The following MROH9 variants were observed in gnomAD, a reference collection of about 807,000 sequenced individuals.
MROH9 encodes maestro heat-like repeat-containing protein family member 9.
In MROH9, 92 loss-of-function variants were observed where a neutral mutation model predicts 98.2. The ratio of observed to expected loss-of-function variants is 0.94; its 90% confidence interval spans 0.79 to 1.11. The LOEUF (loss-of-function observed/expected upper bound fraction) is 1.11. Ranked by LOEUF, MROH9 falls within the 50% of genes most tolerant of loss-of-function variation. The pLI is 0.00. For synonymous variants in MROH9, 397 were observed against 368.9 expected (o/e 1.08, Z -0.87); for missense variants, 1,057 against 1,014.8 (o/e 1.04, Z -0.57).
At chr1:170,972,825 A>ATACAC (rs1491471283) in intron 8 of MROH9, among the ~76,000 whole-genome samples, 15 of 35,614 alleles carry the variant, frequency 4.2e-4, no homozygotes, top group East Asian at 1.1e-3. Context: ...AAAAAAAAAA[A>ATACAC]AAATACACAC....
chr1:170,984,945 G>T (rs1195824951), intron 9 of MROH9, among the ~76,000 whole-genome samples: 1 of 152,074 alleles, frequency 6.6e-6, no homozygotes, highest in Non-Finnish European at 1.5e-5. Context: ...TGCAAATAGG[G>T]GCAGAAGCAG....
intron 12 of MROH9, among the ~76,000 whole-genome samples, chr1:170,995,029 A>G (rs919572658): frequency 6.6e-6 from 1 of 151,822 alleles, no homozygotes; most frequent in Non-Finnish European, 1.5e-5. Context: ...ACTTCCTTGT[A>G]TTGTTTGAGC....
At chr1:170,960,947 G>A (rs1649993372) in intron 5 of MROH9, among the ~76,000 whole-genome samples, 1 of 152,088 alleles carries the variant, frequency 6.6e-6, no homozygotes, top group Non-Finnish European at 1.5e-5. Flanking sequence ...ATTTAAATAT[G>A]ATGTTTGGAT....
intron 2 of MROH9, 116 bp from the exon 3 acceptor site, chr1:170,947,411 C>A: frequency 1.3e-6 from 1 of 782,224 alleles, no homozygotes; most frequent in South Asian, 1.6e-5. Flanking sequence ...TGTGCATGTC[C>A]TTGTTGGGCT....
At chr1:170,999,189 T>C (rs941493534) in intron 15 of MROH9, among the ~76,000 whole-genome samples, 12 of 152,108 alleles carry the variant, frequency 7.9e-5, no homozygotes, top group African/African-American at 2.9e-4. Flanking sequence ...CCATAAGTTA[T>C]TGGGGTACAG....
At chr1:170,951,588 A>C (rs1389806497) in intron 3 of MROH9, among the ~76,000 whole-genome samples, 1 of 152,148 alleles carries the variant, frequency 6.6e-6, no homozygotes, top group Non-Finnish European at 1.5e-5. Flanking sequence ...GCATTGAGAC[A>C]TGTCTGGGCC....
intron 21 of MROH9, 89 bp from the exon 22 acceptor site, chr1:171,064,010 T>G (rs1426417252): frequency 1.5e-6 from 2 of 1,306,822 alleles, no homozygotes; most frequent in Non-Finnish European, 2.1e-6. Context: ...GGGGGCACTC[T>G]GTGAAAGGTG....
At chr1:171,007,249 T>C (rs1424002670) in intron 15 of MROH9, among the ~76,000 whole-genome samples, 2 of 152,122 alleles carry the variant, frequency 1.3e-5, no homozygotes, top group East Asian at 3.9e-4. Flanking sequence ...CTCAAGAAGG[T>C]GTGTCTCTTC....
intron 7 of MROH9, among the ~76,000 whole-genome samples, chr1:170,970,498 G>C (rs1178268842): frequency 1.3e-5 from 2 of 151,996 alleles, no homozygotes; most frequent in African/African-American, 2.4e-5. Flanking sequence ...ATTCTCCAAA[G>C]CCACAGAGCT....
intron 20 of MROH9, among the ~76,000 whole-genome samples, chr1:171,037,197 A>T (rs1653131153): frequency 6.6e-6 from 1 of 151,800 alleles, no homozygotes; most frequent in Non-Finnish European, 1.5e-5. Flanking sequence ...TAGGTAAAAA[A>T]TAAAGAAGGA....
chr1:170,964,553 C>T (rs1003270921), intron 6 of MROH9, among the ~76,000 whole-genome samples: 8 of 152,034 alleles, frequency 5.3e-5, no homozygotes, highest in African/African-American at 1.9e-4. Flanking sequence ...CTTCCCTTTT[C>T]AAGGTTGTAA....
chr1:171,057,075 A>G (rs903159923), intron 20 of MROH9, among the ~76,000 whole-genome samples: 4 of 152,208 alleles, frequency 2.6e-5, no homozygotes, highest in African/African-American at 9.6e-5. Flanking sequence ...AATGTTTGCA[A>G]TGTCTCTCCA....
chr1:171,036,896 G>T (rs571670198), intron 20 of MROH9, among the ~76,000 whole-genome samples: 1 of 151,610 alleles, frequency 6.6e-6, no homozygotes, highest in South Asian at 2.1e-4. Context: ...CATTATTTGG[G>T]AATTCACATT....
chr1:170,999,703 T>C (rs1557892431), intron 15 of MROH9, among the ~76,000 whole-genome samples: 1 of 152,126 alleles, frequency 6.6e-6, no homozygotes, highest in Non-Finnish European at 1.5e-5. Flanking sequence ...AGTAGTGAGA[T>C]TGCTGGATCA....
rs139893602 is a variant in MROH9, at chr1:170,992,292, G to A, written c.1157G>A (p.Arg386His). Residue 386 changes from arginine to histidine, a missense_variant, in exon 12 of 22, where the codon CGT becomes CAT. Coordinates refer to ENST00000367759, the MANE Select transcript of MROH9 (RefSeq NM_001163629.2). ...GAGGACACCGTAACGGAAGGGAAAC[G>A]TTTCTCTCTTGATATTACCAACTTG... The part of the protein sequence containing the change: ...EMEDTVTEGK[R>H]FSLDITNLMP... 1,385 of 1,613,434 alleles carry A rather than the reference G, an allele frequency of 8.6e-4. 14 individuals are homozygous for A. In the African/African-American group the frequency reaches 0.015, roughly 17 times the overall value.
intron 15 of MROH9, among the ~76,000 whole-genome samples, chr1:171,000,481 C>T (rs749889039): frequency 1.9e-4 from 29 of 152,032 alleles, no homozygotes; most frequent in Non-Finnish European, 3.7e-4. Flanking sequence ...GCTTTTTCTG[C>T]ATCTATTGAG....
intron 17 of MROH9, among the ~76,000 whole-genome samples, chr1:171,016,596 T>C (rs923120680): frequency 1.3e-5 from 2 of 152,166 alleles, no homozygotes; most frequent in African/African-American, 2.4e-5. Flanking sequence ...TATATACTGA[T>C]TAACCCTATA....
chr1:170,995,629 C>T lies in MROH9; in HGVS notation c.1337+98C>T. 3 of 1,319,894 alleles carry T rather than the reference C, an allele frequency of 2.3e-6. No homozygotes were observed. In the South Asian group the frequency reaches 4.2e-5, roughly 18 times the overall value. 81.8% of individuals were successfully genotyped at this position (1,319,894 alleles called of 1,614,324 possible). The stretch of plus-strand genomic sequence containing the variant: ...GTTCATATGGGATTCTTTACAGTCC[C>T]ATGTGCGGTGTGTTCATTTATTACA... On this transcript the variant is annotated intron_variant, in intron 13 of 21. Transcript: ENST00000367759.
At chr1:171,006,135 C>T (rs1320561982) in intron 15 of MROH9, among the ~76,000 whole-genome samples, 1 of 152,114 alleles carries the variant, frequency 6.6e-6, no homozygotes, top group Non-Finnish European at 1.5e-5. Context: ...ACTCCCTCAG[C>T]TTTTGTTTGT....
Sources: allele counts gnomAD v4.1 joint callset (sites outside exome capture counted in the v4.1 genomes callset), GRCh38; gene constraint gnomAD v4.1.1; transcripts MANE v1.5; gene names NCBI Gene and HGNC (gene_info 2026-07-23, HGNC 2026-07-21).